Variants in LGI3 observed in about 807,000 individuals in gnomAD.
The protein encoded by LGI3 is leucine rich repeat LGI family member 3, also known as leucine-rich repeat LGI family member 3.
A neutral mutation model predicts 55.4 loss-of-function variants in LGI3; 47 were observed. The ratio of observed to expected loss-of-function variants is 0.85; its 90% CI spans 0.67 to 1.08. The LOEUF (loss-of-function observed/expected upper bound fraction) is 1.08. Among genes scored for constraint, LGI3 ranks in the 50% least tolerant of loss-of-function variants. LGI3 has a pLI of 0.00. For missense variants in LGI3, 664 were observed against 726.3 expected (o/e 0.91, Z 0.99); for synonymous variants, 326 against 315.0 (o/e 1.04, Z -0.37).
chr8:22,149,572 C>T lies in LGI3; in HGVS notation c.830-595G>A, dbSNP rs191269825. ...AAACACATCCTCCCAAGAGTTCTCACTTTTGAAAGGGCTTTTATATACAAG... is the reference window on the plus strand; with the variant it reads ...AAACACATCCTCCCAAGAGTTCTCATTTTTGAAAGGGCTTTTATATACAAG... On this transcript the variant is annotated intron_variant, in intron 7 of 7. Coordinates refer to ENST00000306317, the MANE Select transcript of LGI3 (RefSeq NM_139278.4). 2.6e-3 allele frequency among the ~76,000 whole-genome samples: 399 copies of T among 152,298 alleles called. 5 individuals are homozygous for T. Among genetic ancestry groups the T allele is most frequent in the Admixed American group, 5.4e-3 (83 of 15,306 alleles).
chr8:22,154,059 G>A lies in LGI3; in HGVS notation c.423-20C>T, dbSNP rs766690314. 6.2e-6 allele frequency: 10 copies of A among 1,613,846 alleles called. No homozygotes were observed. In the East Asian group the frequency reaches 6.7e-5, roughly 11 times the overall value. ...AGCGAGCTGCAAAAGAGACCGCCAG[G>A]TCATCTGAAGATCATGAGCAAGGCC... On this transcript the variant is annotated intron_variant, in intron 4 of 7. Transcript: ENST00000306317.
At chr8:22,154,465 G>A in intron 3 of LGI3, 95 bp downstream of exon 3, 1 of 1,093,504 alleles carries the variant, frequency 9.1e-7, no homozygotes, top group Non-Finnish European at 1.4e-6. Flanking sequence ...CCTTCCTGCG[G>A]CATTCTCATC....
chr8:22,148,031 G>A lies in LGI3; in HGVS notation c.*129C>T. ...CACGGGGTGCGCCTGTACACACTGGGCGTGTGCGGATACAAGGGCATGAAT... is the reference window on the plus strand; with the variant it reads ...CACGGGGTGCGCCTGTACACACTGGACGTGTGCGGATACAAGGGCATGAAT... On this transcript the variant is annotated 3_prime_UTR_variant, in exon 8 of 8. Coordinates refer to ENST00000306317, the MANE Select transcript of LGI3 (RefSeq NM_139278.4). The surrounding 1 kb of genome is among the most constrained non-coding windows in gnomAD (Gnocchi z 7.0). 1 of 771,794 alleles carries A rather than the reference G, an allele frequency of 1.3e-6. No individual in the cohort carries two copies. Among genetic ancestry groups the A allele is most frequent in the Non-Finnish European group, 2.1e-6 (1 of 470,522 alleles). The allele number at this position is 771,794 out of a possible 1,614,324, so 47.8% of individuals were successfully genotyped here.
At chr8:22,149,339 G>C (rs939456128) in intron 7 of LGI3, among the ~76,000 whole-genome samples, 4 of 152,208 alleles carry the variant, frequency 2.6e-5, no homozygotes, top group Non-Finnish European at 5.9e-5. Context: ...CATCGATGAG[G>C]AATTCATCAC....
In LGI3 at chr8:22,154,612, A is replaced by G. The variant is rs1254065474; in HGVS notation, c.298T>C (p.Phe100Leu). 1 of 1,613,874 alleles carries G rather than the reference A, an allele frequency of 6.2e-7. No homozygotes were observed. Among genetic ancestry groups the G allele is most frequent in the East Asian group, 2.2e-5 (1 of 44,858 alleles). The change falls in exon 3 of 8, where the codon TTT becomes CTT. Residue 100 changes from phenylalanine (F) to leucine (L), a missense_variant. Transcript: ENST00000306317. ...LQFLLLNSNK[F>L]TLIGDNAFTG... The stretch of plus-strand genomic sequence containing the variant: ...AAGGCGTTGTCTCCAATCAGTGTAA[A>G]CTTGTTGGAGTTGAGTAACCTGCAG...
In LGI3 at chr8:22,154,590, G is replaced by A; in HGVS notation, c.320C>T (p.Ala107Val). The A allele has an allele frequency of 6.2e-7, 1 of 1,614,024 alleles. No homozygotes were observed. Among genetic ancestry groups the A allele is most frequent in the Non-Finnish European group, 8.5e-7 (1 of 1,179,934 alleles). The change falls in exon 3 of 8, where the codon GCC (alanine) becomes GTC (valine). Residue 107 changes from alanine to valine, a missense_variant. Coordinates refer to ENST00000306317, the MANE Select transcript of LGI3 (RefSeq NM_139278.4). ...CTGCAGGTGCGACAGTCCTGTGAAG[G>A]CGTTGTCTCCAATCAGTGTAAACTT... Reference protein sequence around the residue: ...SNKFTLIGDNAFTGLSHLQYL... With the variant: ...SNKFTLIGDNVFTGLSHLQYL...
At position 22,148,917 on chromosome 8, in the gene LGI3, GC is replaced by G. The variant is rs763282700; in HGVS notation, c.889del (p.Ala297ProfsTer36). ...VVDSQLYVVV[A>X]QLFGGSYIYH... ...AATGTAAGAGCCGCCAAACAGCTGG[GC>G]CACGACCACGTACAGCTGGCTGTCC... On this transcript the variant is annotated frameshift_variant, in exon 8 of 8. Transcript: ENST00000306317. LOFTEE classifies it high-confidence loss of function. The surrounding 1 kb of genome is among the most constrained non-coding windows in gnomAD (Gnocchi z 7.0). The G allele has an allele frequency of 6.2e-7, 1 of 1,614,128 alleles. No homozygotes were observed. Among genetic ancestry groups the G allele is most frequent in the Non-Finnish European group, 8.5e-7 (1 of 1,180,018 alleles).
chr8:22,149,820 G>C (rs182050905), intron 7 of LGI3, among the ~76,000 whole-genome samples: 38 of 151,666 alleles, frequency 2.5e-4, no homozygotes, highest in African/African-American at 8.7e-4. Flanking sequence ...GGCAGTCACT[G>C]CCTAAATACC....
chr8:22,148,406 C>T lies in LGI3; in HGVS notation c.1401G>A (p.Ser467=), dbSNP rs771658341. The change falls in exon 8 of 8, where the codon TCG becomes TCA. Residue 467 remains serine (S), a synonymous_variant. Coordinates refer to ENST00000306317, the MANE Select transcript of LGI3 (RefSeq NM_139278.4). This position sits in a 1 kb window ranked among gnomAD's most constrained non-coding sequence, Gnocchi z 7.0. ...CCACAAGGAAGGGCTGCAGGGCCAG[C>T]GAGCCCCGGGAGGGCAGGGCCTGCA... ...SEVQALPSRG[S]LALQPFLVGG... is the part of the protein sequence containing the mutation. The T allele has an allele frequency of 2.0e-5, 33 of 1,612,452 alleles. No homozygotes were observed. The highest frequency in any genetic ancestry group is 3.3e-5 in the South Asian group (3 of 90,976).
At chr8:22,152,840 C>A (rs1827397749) in intron 5 of LGI3, among the ~76,000 whole-genome samples, 1 of 151,214 alleles carries the variant, frequency 6.6e-6, no homozygotes, top group Admixed American at 6.6e-5. Context: ...CAACTGAGGT[C>A]GGGAGTTCAA....
intron 5 of LGI3, among the ~76,000 whole-genome samples, chr8:22,153,711 T>TAA (rs534582339): frequency 4.6e-5 from 6 of 130,284 alleles, no homozygotes; most frequent in African/African-American, 9.2e-5. Flanking sequence ...CGTCTATAAT[T>TAA]AAAAAAAAAA....
Position 22,156,552 on chromosome 8 carries a change from G to T in LGI3, c.-10C>A. On this transcript the variant is annotated 5_prime_UTR_variant, in exon 1 of 8. Transcript: ENST00000306317. ...CCCGCAGCCCCGCCATGCTGCCCGC[G>T]ATCTCTCCCTGGGGCCGGCGGCCGC... 8.4e-7 allele frequency: 1 copy of T among 1,189,560 alleles called. No individual in the cohort carries two copies. Among genetic ancestry groups the T allele is most frequent in the Non-Finnish European group, 1.1e-6 (1 of 918,592 alleles). The allele number at this position is 1,189,560 out of a possible 1,614,324, so 73.7% of individuals were successfully genotyped here. A position where few individuals can be genotyped will look rare whatever the true frequency, so the allele number is the denominator to read the frequency against.
Position 22,148,223 on chromosome 8 carries a change from C to T in LGI3, c.1584G>A (p.Leu528=), listed in dbSNP as rs765331816. Residue 528 remains leucine, a synonymous_variant, in exon 8 of 8, where the codon CTG becomes CTA. Transcript: ENST00000306317. The surrounding 1 kb of genome is among the most constrained non-coding windows in gnomAD (Gnocchi z 7.0). ...GCGTCTGTCCCTTGAAGCTGGGGGC[C>T]AGGAGTAGCTGGGCGTCCCCAGCAG... ...YMPAGDAQLL[L]APSFKGQTLV... is the part of the protein sequence containing the mutation. 1 of 1,613,972 alleles carries T rather than the reference C, an allele frequency of 6.2e-7. No homozygotes were observed. The highest frequency in any genetic ancestry group is 1.3e-5 in the African/African-American group (1 of 75,038).
rs1223612677 is a variant in LGI3, at chr8:22,148,831, C to T, written c.976G>A (p.Val326Met). The T allele has an allele frequency of 5.0e-6, 8 of 1,614,078 alleles. No homozygotes were observed. Among genetic ancestry groups the T allele is most frequent in the Admixed American group, 1.7e-5 (1 of 60,006 alleles). The change falls in exon 8 of 8, where the codon GTG (valine) becomes ATG (methionine). Residue 326 changes from valine to methionine, a missense_variant. By Grantham distance (21) the Val-to-Met change is conservative. Coordinates refer to ENST00000306317, the MANE Select transcript of LGI3 (RefSeq NM_139278.4). This position sits in a 1 kb window ranked among gnomAD's most constrained non-coding sequence, Gnocchi z 7.0. The part of the protein sequence containing the change: ...TRLQDIDPQR[V>M]RKPNDLEAFR... ...GCTTCTAGGTCGTTAGGCTTGCGCA[C>T]GCGCTGCGGGTCAATGTCTTGCAGC...
intron 3 of LGI3, 122 bp downstream of exon 3, chr8:22,154,438 C>T (rs908826221): frequency 3.1e-5 from 28 of 917,006 alleles, no homozygotes; most frequent in South Asian, 1.9e-4. Flanking sequence ...CAAGGGCTCT[C>T]GCCTCCCATC....
At chr8:22,153,422 G>C (rs1253679314) in intron 5 of LGI3, among the ~76,000 whole-genome samples, 1 of 150,212 alleles carries the variant, frequency 6.7e-6, no homozygotes, top group Non-Finnish European at 1.5e-5. Flanking sequence ...CACATTTTTG[G>C]CTGAGCGCGG....
intron 2 of LGI3, 128 bp downstream of exon 2, chr8:22,155,264 A>G (rs558471977): frequency 1.3e-4 from 115 of 867,478 alleles, no homozygotes; most frequent in Admixed American, 3.9e-4. Flanking sequence ...TCAGAACAAA[A>G]GCAAGGGACA....
Position 22,155,163 on chromosome 8 carries a change from C to T in LGI3, c.278+229G>A, listed in dbSNP as rs948327560. The T allele has an allele frequency of 1.4e-5, 8 of 565,104 alleles. No individual in the cohort carries two copies. The East Asian group carries it at 2.4e-4, about 17-fold the overall frequency. 35.0% of individuals were successfully genotyped at this position (565,104 alleles called of 1,614,324 possible). On this transcript the variant is annotated intron_variant, in intron 2 of 7. Coordinates refer to ENST00000306317, the MANE Select transcript of LGI3 (RefSeq NM_139278.4). ...CAGCCAAGCCCATCCCCGCATCCCA[C>T]TTGCTTGGCTTCTCTGTGCCATCCC... is the stretch of plus-strand genomic sequence containing the variant.
chr8:22,154,284 C>T, intron 3 of LGI3, 71 bp from the exon 4 acceptor site: 1 of 1,280,008 alleles, frequency 7.8e-7, no homozygotes, highest in Non-Finnish European at 1.1e-6. Context: ...CGCCCTACGC[C>T]CCAGCCTAGA....
Sources: gnomAD v4.1 joint callset for allele counts (sites outside exome capture counted in the v4.1 genomes callset) on GRCh38, gnomAD v4.1.1 for gene constraint, Gnocchi (gnomAD v3.1) non-coding constraint, MANE v1.5 for transcripts, NCBI Gene and HGNC (gene_info 2026-07-23, HGNC 2026-07-21) for gene names.